Variants in SLCO4C1 observed in about 807,000 individuals in gnomAD.
SLCO4C1 encodes solute carrier organic anion transporter family member 4C1.
Under a neutral mutation model 72.1 loss-of-function variants are expected in SLCO4C1, and 58 were observed. The observed-to-expected ratio is 0.80, with a 90% CI of 0.65 to 1.00. SLCO4C1 has a LOEUF of 1.00. Among genes scored for constraint, SLCO4C1 ranks in the 50% least tolerant of loss-of-function variants. SLCO4C1 has a pLI of 0.00. For missense variants in SLCO4C1, 898 were observed against 857.9 expected (o/e 1.05, Z -0.58); for synonymous variants, 297 against 312.5 (o/e 0.95, Z 0.52).
At chr5:102,265,694 C>A (rs1749024220) in intron 3 of SLCO4C1, among the ~76,000 whole-genome samples, 1 of 152,114 alleles carries the variant, frequency 6.6e-6, no homozygotes, top group African/African-American at 2.4e-5. Flanking sequence ...CCAACACCAT[C>A]CTTTTTTGAT....
At chr5:102,278,097 A>C (rs1749281958) in intron 2 of SLCO4C1, among the ~76,000 whole-genome samples, 1 of 152,168 alleles carries the variant, frequency 6.6e-6, no homozygotes, top group Non-Finnish European at 1.5e-5. Context: ...CAACCCAACT[A>C]TGCCATCTAC....
At chr5:102,291,010 A>G (rs1749539081) in intron 2 of SLCO4C1, among the ~76,000 whole-genome samples, 1 of 152,188 alleles carries the variant, frequency 6.6e-6, no homozygotes, top group Admixed American at 6.5e-5. Flanking sequence ...ACAGCAAATA[A>G]AAGTACAAAA....
chr5:102,282,440 G>C (rs1202853416), intron 2 of SLCO4C1, among the ~76,000 whole-genome samples: 1 of 151,734 alleles, frequency 6.6e-6, no homozygotes. Context: ...CCACTTCTTA[G>C]TATTACCCAA....
rs1024711319 is a variant in SLCO4C1 at position 102,245,749 on chromosome 5, C to T, written c.1811+1503G>A. Among the ~76,000 whole-genome samples, 8 of 152,238 alleles carry T rather than the reference C, an allele frequency of 5.3e-5. No homozygotes were observed. In the South Asian group the frequency reaches 1.7e-3, roughly 32 times the overall value. On this transcript the variant is annotated intron_variant, in intron 10 of 12. Transcript: ENST00000310954. ...ATAGCTGCAGAATACACACTCTTTT[C>T]GTCAGCACATGGATCATTCTCAATG...
chr5:102,273,605 G>A (rs1335873296), intron 2 of SLCO4C1, among the ~76,000 whole-genome samples: 3 of 152,050 alleles, frequency 2.0e-5, no homozygotes, highest in Non-Finnish European at 2.9e-5. Context: ...TAGCCAAATT[G>A]TCATTCAAAT....
intron 8 of SLCO4C1, among the ~76,000 whole-genome samples, chr5:102,253,752 C>T (rs1748783308): frequency 6.6e-6 from 1 of 151,592 alleles, no homozygotes; most frequent in African/African-American, 2.4e-5. Flanking sequence ...TTGCAGTGAG[C>T]TGAGATCGTG....
At chr5:102,243,214 T>C (rs1269498483) in intron 10 of SLCO4C1, among the ~76,000 whole-genome samples, 2 of 152,194 alleles carry the variant, frequency 1.3e-5, no homozygotes, top group Non-Finnish European at 2.9e-5. Flanking sequence ...TCTAAGGTTT[T>C]TGACTCTAGT....
At chr5:102,266,465 C>T (rs141061783) in intron 3 of SLCO4C1, among the ~76,000 whole-genome samples, 1,793 of 152,190 alleles carry the variant, frequency 0.012, 16 homozygotes, top group Non-Finnish European at 0.019. Context: ...GTATGGCCAA[C>T]GTGGTGAAAC....
At chr5:102,266,744 G>A (rs1749048329) in intron 3 of SLCO4C1, among the ~76,000 whole-genome samples, 2 of 152,158 alleles carry the variant, frequency 1.3e-5, no homozygotes, top group South Asian at 4.1e-4. Flanking sequence ...TTCTCATTCA[G>A]TATAACGTTA....
intron 2 of SLCO4C1, among the ~76,000 whole-genome samples, chr5:102,282,005 G>A (rs920561871): frequency 6.6e-6 from 1 of 152,024 alleles, no homozygotes; most frequent in Non-Finnish European, 1.5e-5. Context: ...CAAACCAGAT[G>A]TTCTTTAATA....
intron 8 of SLCO4C1, among the ~76,000 whole-genome samples, chr5:102,251,052 C>T (rs746812235): frequency 4.0e-5 from 6 of 151,874 alleles, no homozygotes; most frequent in African/African-American, 9.7e-5. Context: ...GAAGGGGAAA[C>T]GTACTTCAGA....
At chr5:102,293,720 T>A (rs890287039) in intron 1 of SLCO4C1, among the ~76,000 whole-genome samples, 13 of 151,396 alleles carry the variant, frequency 8.6e-5, no homozygotes, top group Non-Finnish European at 1.9e-4. Flanking sequence ...TAGTAATTTA[T>A]TGGGTCACAC....
rs1303169578 is a variant in SLCO4C1, at chr5:102,249,852, G to A, written c.1470-64C>T. The stretch of plus-strand genomic sequence containing the variant: ...ATAACTTTTAACTAACAATTTCGAA[G>A]CACTGTTATATCTTACCATTAGGTC... On this transcript the variant is annotated intron_variant, in intron 8 of 12. Coordinates refer to ENST00000310954, the MANE Select transcript of SLCO4C1 (RefSeq NM_180991.5). 4 of 1,520,736 alleles carry A rather than the reference G, an allele frequency of 2.6e-6. No homozygotes were observed. The Admixed American group carries it at 7.4e-5, about 28-fold the overall frequency. 94.2% of individuals were successfully genotyped at this position (1,520,736 alleles called of 1,614,324 possible).
intron 8 of SLCO4C1, 123 bp downstream of exon 8, chr5:102,256,992 T>C: frequency 1.5e-6 from 1 of 667,518 alleles, no homozygotes. Context: ...TGTTCTTACA[T>C]AGGAAAAAAG....
intron 12 of SLCO4C1, among the ~76,000 whole-genome samples, chr5:102,237,526 C>T (rs551347964): frequency 2.6e-5 from 4 of 152,174 alleles, no homozygotes; most frequent in African/African-American, 7.2e-5. Flanking sequence ...GTGAGAGGAT[C>T]GCTTCACCCC....
intron 5 of SLCO4C1, among the ~76,000 whole-genome samples, chr5:102,261,484 G>A (rs1372829012): frequency 6.7e-6 from 1 of 150,214 alleles, no homozygotes; most frequent in Non-Finnish European, 1.5e-5. Flanking sequence ...AGTACGCTAC[G>A]GAATGACTTC....
At chr5:102,260,147 G>GGT (rs1748908396) in intron 6 of SLCO4C1, 66 bp downstream of exon 6, 10 of 360,282 alleles carry the variant, frequency 2.8e-5, no homozygotes, top group Non-Finnish European at 3.6e-5. Context: ...GTACATGTGA[G>GGT]GTGTGTGTGT....
rs778244023 is a variant in SLCO4C1 at position 102,270,659 on chromosome 5, T to G, written c.767A>C (p.Asp256Ala). Residue 256 changes from aspartate to alanine, a missense_variant, in exon 3 of 13, where the codon GAT (aspartate) becomes GCT (alanine). Transcript: ENST00000310954. ...LYTLGTAFLD[D>A]SVPTHKSSLY... Reference sequence around the variant, plus strand: ...AGAAGACTTGTGTGTGGGCACAGAATCATCAAGAAAGGCTGTTCCCAGAGT... The same window carrying G: ...AGAAGACTTGTGTGTGGGCACAGAAGCATCAAGAAAGGCTGTTCCCAGAGT... 1 of 1,612,776 alleles carries G rather than the reference T, an allele frequency of 6.2e-7. No homozygotes were observed. The highest frequency in any genetic ancestry group is 1.1e-5 in the South Asian group (1 of 90,912).
At chr5:102,268,432 G>A (rs1241881925) in intron 3 of SLCO4C1, among the ~76,000 whole-genome samples, 1 of 151,772 alleles carries the variant, frequency 6.6e-6, no homozygotes. Context: ...ACACCCTTTT[G>A]GTTTACAATT....
Sources: gnomAD v4.1 joint callset for allele counts (sites outside exome capture counted in the v4.1 genomes callset) on GRCh38, gnomAD v4.1.1 for gene constraint, MANE v1.5 for transcripts, NCBI Gene and HGNC (gene_info 2026-07-23, HGNC 2026-07-21) for gene names.